Variants in ZPBP observed in about 807,000 individuals in gnomAD.
ZPBP encodes zona pellucida-binding protein 1.
A neutral mutation model predicts 44.8 loss-of-function variants in ZPBP; 26 were observed. That is an observed-to-expected ratio of 0.58 (90% CI 0.43 to 0.81). The LOEUF is 0.81. Ranked by LOEUF, ZPBP falls within the 30% of genes least tolerant of loss-of-function variation. The pLI is 0.00. For missense variants in ZPBP, 409 were observed against 434.0 expected (o/e 0.94, Z 0.51); for synonymous variants, 174 against 153.2 (o/e 1.14, Z -1.00).
intron 4 of ZPBP, among the ~76,000 whole-genome samples, chr7:50,055,040 T>C (rs1800865785): frequency 6.6e-6 from 1 of 152,206 alleles, no homozygotes; most frequent in African/African-American, 2.4e-5. Context: ...TGCAAACTGC[T>C]ATACAAAAGA....
chr7:49,877,483 T>TATAC (rs1256474782), intron 2 of ZPBP, among the ~76,000 whole-genome samples: 709 of 10,470 alleles, frequency 0.068, 146 homozygotes, highest in Middle Eastern at 0.083. Context: ...AAAAAAAAAA[T>TATAC]ATATATATAT....
intron 1 of ZPBP, among the ~76,000 whole-genome samples, chr7:49,904,516 T>C (rs1385689587): frequency 6.6e-6 from 1 of 152,220 alleles, no homozygotes; most frequent in Non-Finnish European, 1.5e-5. Flanking sequence ...CACAACTTGA[T>C]TGATTTATTA....
intron 7 of ZPBP, among the ~76,000 whole-genome samples, chr7:49,973,097 T>C (rs769522098): frequency 1.3e-5 from 2 of 151,894 alleles, no homozygotes; most frequent in African/African-American, 2.4e-5. Context: ...ACACCTAAGC[T>C]AAAACTTTAA....
intron 6 of ZPBP, 116 bp downstream of exon 6, chr7:50,018,124 T>C: frequency 1.4e-6 from 1 of 740,090 alleles, no homozygotes. Context: ...TTTTTATTGT[T>C]GAAATCCTTA....
chr7:49,928,427 C>G (rs1218401807), intron 1 of ZPBP, among the ~76,000 whole-genome samples: 1 of 152,196 alleles, frequency 6.6e-6, no homozygotes, highest in Non-Finnish European at 1.5e-5. Flanking sequence ...ATCTCTCATT[C>G]TTAACAAGGT....
At chr7:50,007,337 A>T (rs932460923) in intron 6 of ZPBP, among the ~76,000 whole-genome samples, 1 of 152,114 alleles carries the variant, frequency 6.6e-6, no homozygotes, top group Non-Finnish European at 1.5e-5. Context: ...AGCCTGCATC[A>T]TGAAGAAACA....
chr7:49,909,017 T>C (rs1415195105), intron 1 of ZPBP, among the ~76,000 whole-genome samples: 1 of 152,240 alleles, frequency 6.6e-6, no homozygotes, highest in African/African-American at 2.4e-5. Context: ...TTTGCTAGCA[T>C]TTGTAGAACA....
chr7:50,006,247 C>A (rs956296220), intron 6 of ZPBP, among the ~76,000 whole-genome samples: 12 of 151,852 alleles, frequency 7.9e-5, no homozygotes, highest in African/African-American at 2.4e-4. Flanking sequence ...AAATAGAGAA[C>A]CTGAACAATA....
rs192522411 is a variant in ZPBP, at chr7:49,958,523, T to G, written c.962-20901A>C. ...GAATGGCTTGAGGCTGAAAGGTCAGTCTCTTGCTCCATCTCACTCTTTCTT... is the reference window on the plus strand; with the variant it reads ...GAATGGCTTGAGGCTGAAAGGTCAGGCTCTTGCTCCATCTCACTCTTTCTT... On this transcript the variant is annotated intron_variant, in intron 7 of 7. Transcript: ENST00000046087. 3.2e-3 allele frequency among the ~76,000 whole-genome samples: 491 copies of G among 152,264 alleles called. 11 individuals are homozygous for G. The highest frequency in any genetic ancestry group is 6.8e-3 in the Middle Eastern group (2 of 294).
intron 2 of ZPBP, among the ~76,000 whole-genome samples, chr7:49,897,701 T>A (rs1483550592): frequency 6.6e-6 from 1 of 152,200 alleles, no homozygotes; most frequent in Non-Finnish European, 1.5e-5. Context: ...GAAAGCTCCA[T>A]GGGAACCAGT....
intron 7 of ZPBP, among the ~76,000 whole-genome samples, chr7:49,955,380 A>T (rs1387258044): frequency 6.6e-6 from 1 of 152,074 alleles, no homozygotes; most frequent in East Asian, 1.9e-4. Context: ...AACACGATGA[A>T]ACCCCATCTC....
intron 7 of ZPBP, among the ~76,000 whole-genome samples, chr7:49,950,435 T>C (rs1353405875): frequency 6.6e-6 from 1 of 151,866 alleles, no homozygotes; most frequent in Non-Finnish European, 1.5e-5. Context: ...TTTATGCGAC[T>C]GGACAAACCG....
At chr7:49,898,353 A>C (rs1389409479) in intron 2 of ZPBP, among the ~76,000 whole-genome samples, 1 of 151,694 alleles carries the variant, frequency 6.6e-6, no homozygotes, top group Non-Finnish European at 1.5e-5. Flanking sequence ...TCTTTCTATG[A>C]TGTTACTTCT....
At chr7:50,025,592 A>G (rs1332152255) in intron 5 of ZPBP, among the ~76,000 whole-genome samples, 1 of 151,860 alleles carries the variant, frequency 6.6e-6, no homozygotes, top group Non-Finnish European at 1.5e-5. Context: ...ATGCAAATAA[A>G]TCTAGACTTA....
intron 2 of ZPBP, among the ~76,000 whole-genome samples, chr7:49,877,198 A>T (rs1186047394): frequency 2.6e-5 from 4 of 151,934 alleles, no homozygotes; most frequent in African/African-American, 9.7e-5. Flanking sequence ...GTAATGGCTC[A>T]TGCCTGTAAT....
chr7:49,968,632 G>A (rs1489615206), intron 7 of ZPBP, among the ~76,000 whole-genome samples: 1 of 151,934 alleles, frequency 6.6e-6, no homozygotes, highest in Non-Finnish European at 1.5e-5. Context: ...ATCTACTAAA[G>A]CTAGTATAAT....
At chr7:49,904,109 A>G (rs1194178190) in intron 1 of ZPBP, among the ~76,000 whole-genome samples, 1 of 152,196 alleles carries the variant, frequency 6.6e-6, no homozygotes, top group Non-Finnish European at 1.5e-5. Flanking sequence ...TGGAGCCACC[A>G]TCTTGAACAT....
intron 2 of ZPBP, among the ~76,000 whole-genome samples, chr7:49,877,750 G>C (rs1583736711): frequency 6.7e-6 from 1 of 150,366 alleles, no homozygotes; most frequent in Admixed American, 6.7e-5. Context: ...CTTTTCAGGT[G>C]TCAGCTGCTT....
chr7:50,023,680 C>T (rs1016305044), intron 5 of ZPBP, among the ~76,000 whole-genome samples: 15 of 152,064 alleles, frequency 9.9e-5, no homozygotes, highest in Admixed American at 2.6e-4. Flanking sequence ...AACTCAGATA[C>T]GGCAGAGATT....
Sources: gnomAD v4.1 joint callset for allele counts (sites outside exome capture counted in the v4.1 genomes callset) on GRCh38, gnomAD v4.1.1 for gene constraint, MANE v1.5 for transcripts, NCBI Gene and HGNC (gene_info 2026-07-23, HGNC 2026-07-21) for gene names.